The following BRD10 variants were observed in gnomAD, a reference collection of about 807,000 sequenced individuals.
The protein encoded by BRD10 is uncharacterized bromodomain-containing protein 10.
the BRD10 span, among the ~76,000 whole-genome samples, chr9:5,957,978 T>TG: frequency 1.4e-4 from 21 of 152,212 alleles, no homozygotes; most frequent in African/African-American, 4.6e-4. Flanking sequence ...CTAAGTTACT[T>TG]GGTCATATAA....
the BRD10 span, chr9:5,969,214 A>T: frequency 1.9e-6 from 3 of 1,613,716 alleles, no homozygotes; most frequent in African/African-American, 4.0e-5. Flanking sequence ...TCGATAGAAA[A>T]GCATTACACT....
At chr9:5,936,125 G>C in the BRD10 span, among the ~76,000 whole-genome samples, 1 of 152,124 alleles carries the variant, frequency 6.6e-6, no homozygotes, top group African/African-American at 2.4e-5. Context: ...GGAGGCAGAG[G>C]AAGGTAAATC....
chr9:6,007,564 A>C, the BRD10 span: 14 of 1,612,674 alleles, frequency 8.7e-6, no homozygotes, highest in Non-Finnish European at 1.2e-5. Context: ...CTCGTAGGTC[A>C]GCTCCTGCTC....
the BRD10 span, chr9:5,968,343 T>C: frequency 6.2e-7 from 1 of 1,610,192 alleles, no homozygotes; most frequent in Non-Finnish European, 8.5e-7. Flanking sequence ...TTTAATGGAC[T>C]GGGTTCAATC....
At chr9:6,000,305 T>G in the BRD10 span, among the ~76,000 whole-genome samples, 1 of 152,060 alleles carries the variant, frequency 6.6e-6, no homozygotes, top group African/African-American at 2.4e-5. Context: ...CTTTCCCAAT[T>G]AAAAAGAAAA....
the BRD10 span, chr9:5,922,010 G>A: frequency 3.1e-6 from 5 of 1,614,038 alleles, no homozygotes; most frequent in Non-Finnish European, 4.2e-6. Context: ...AGCAGAGGAA[G>A]AAGTTGTTGA....
chr9:5,908,553 A>T, the BRD10 span: 1 of 1,160,364 alleles, frequency 8.6e-7, no homozygotes. Flanking sequence ...GGGAAAGTAT[A>T]AATATGTTAA....
the BRD10 span, among the ~76,000 whole-genome samples, chr9:5,967,350 C>T: frequency 6.6e-6 from 1 of 152,092 alleles, no homozygotes; most frequent in East Asian, 1.9e-4. Context: ...GCAGAGCAAT[C>T]GGCCACTGAA....
chr9:5,921,712 G>A, the BRD10 span: 3 of 1,613,884 alleles, frequency 1.9e-6, no homozygotes. Flanking sequence ...TATTTGCATT[G>A]TTTTGTCCAA....
chr9:5,945,005 AAC>A, the BRD10 span: 1 of 928,592 alleles, frequency 1.1e-6, no homozygotes, highest in South Asian at 1.8e-5. Flanking sequence ...CATAATATAA[AAC>A]ACCCAAAATG....
chr9:5,995,745 G>A, the BRD10 span, among the ~76,000 whole-genome samples: 1 of 152,192 alleles, frequency 6.6e-6, no homozygotes, highest in Non-Finnish European at 1.5e-5. Flanking sequence ...GTTTTAGATA[G>A]ATAGGAAAGA....
chr9:5,965,614 T>C, the BRD10 span, among the ~76,000 whole-genome samples: 3 of 152,354 alleles, frequency 2.0e-5, no homozygotes, highest in South Asian at 6.2e-4. Flanking sequence ...GGGGATGACT[T>C]AAACATTATA....
chr9:5,943,357 G>A, the BRD10 span, among the ~76,000 whole-genome samples: 9 of 151,914 alleles, frequency 5.9e-5, no homozygotes, highest in Admixed American at 5.9e-4. Context: ...TATAATATGG[G>A]AATAAATAAA....
chr9:6,008,231 G>T, the BRD10 span: 1 of 979,030 alleles, frequency 1.0e-6, no homozygotes, highest in Non-Finnish European at 1.2e-6. Flanking sequence ...GGGCCGCAGC[G>T]GCGGCTCCGG....
At chr9:6,001,878 A>C in the BRD10 span, among the ~76,000 whole-genome samples, 2 of 152,222 alleles carry the variant, frequency 1.3e-5, no homozygotes, top group Admixed American at 6.5e-5. Context: ...GAGCTGAACC[A>C]AGATTTATCA....
At chr9:5,954,614 G>C in the BRD10 span, among the ~76,000 whole-genome samples, 9 of 152,220 alleles carry the variant, frequency 5.9e-5, no homozygotes, top group East Asian at 1.7e-3. Flanking sequence ...GCCCTTGGCG[G>C]TATCAATACC....
chr9:5,946,253 A>G, the BRD10 span, among the ~76,000 whole-genome samples: 3 of 152,244 alleles, frequency 2.0e-5, no homozygotes, highest in Non-Finnish European at 2.9e-5. Context: ...CATATTAGGA[A>G]TATCTATATA....
At chr9:5,919,968 G>A in the BRD10 span, 2 of 1,613,888 alleles carry the variant, frequency 1.2e-6, no homozygotes, top group African/African-American at 1.3e-5. Flanking sequence ...AGAGTAGCTG[G>A]AGACTTAATT....
the BRD10 span, among the ~76,000 whole-genome samples, chr9:5,956,001 G>C: frequency 1.3e-5 from 2 of 151,986 alleles, no homozygotes; most frequent in Non-Finnish European, 2.9e-5. Context: ...ATTTTTTAAA[G>C]TTCACAAGAA....
Sources: gnomAD v4.1 joint callset for allele counts (sites outside exome capture counted in the v4.1 genomes callset) on GRCh38, gnomAD v4.1.1 for gene constraint, MANE v1.5 for transcripts, NCBI Gene and HGNC (gene_info 2026-07-23, HGNC 2026-07-21) for gene names.